Variants in RAVER2 observed in about 807,000 individuals in gnomAD.
RAVER2 encodes the protein ribonucleoprotein, PTB binding 2, also known as ribonucleoprotein PTB-binding 2.
RAVER2 carries 46 observed loss-of-function variants against 78.1 expected under a neutral mutation model. The ratio of observed to expected loss-of-function variants is 0.59; its 90% CI spans 0.46 to 0.75. The LOEUF is 0.75. Among genes scored for constraint, RAVER2 ranks in the 30% least tolerant of loss-of-function variants. RAVER2 has a pLI of 0.00. For missense variants in RAVER2, 793 were observed against 837.5 expected (o/e 0.95, Z 0.66); for synonymous variants, 311 against 313.3 (o/e 0.99, Z 0.08).
intron 11 of RAVER2, among the ~76,000 whole-genome samples, chr1:64,826,129 T>A (rs1280730786): frequency 1.3e-5 from 2 of 152,242 alleles, no homozygotes; most frequent in Non-Finnish European, 2.9e-5. Context: ...TGAAAGGTAT[T>A]CATTTACTCA....
intron 11 of RAVER2, among the ~76,000 whole-genome samples, chr1:64,821,955 C>T (rs1015915132): frequency 5.9e-5 from 9 of 152,224 alleles, no homozygotes; most frequent in Middle Eastern, 3.4e-3. Flanking sequence ...TACTAGACAA[C>T]GATTTGAATT....
Position 64,830,128 on chromosome 1 carries a change from T to C in RAVER2, c.1930-711T>C, listed in dbSNP as rs371721333. On this transcript the variant is annotated intron_variant, in intron 11 of 11. Transcript: ENST00000294428. ...ACATAATTCTGCATTGATAAAAGCT[T>C]GCTGCACTTATTTTTGTAAAAGCTG... Among the ~76,000 whole-genome samples, 317 of 152,338 alleles carry C rather than the reference T, an allele frequency of 2.1e-3. 11 individuals are homozygous for C. The South Asian group carries it at 0.064, about 31-fold the overall frequency.
At chr1:64,807,374 C>G (rs748813614) in exon 9 of RAVER2, 1 of 1,614,022 alleles carries the variant, frequency 6.2e-7, no homozygotes, top group South Asian at 1.1e-5. Flanking sequence ...GGGTCGCAGC[C>G]TTATCTTCAG....
At chr1:64,747,133 A>G (rs536841740) in intron 1 of RAVER2, among the ~76,000 whole-genome samples, 2 of 152,330 alleles carry the variant, frequency 1.3e-5, no homozygotes, top group East Asian at 1.9e-4. Context: ...AGCAGTTTTA[A>G]TTAGTGATAG....
At chr1:64,791,289 T>C (rs1226941122) in intron 5 of RAVER2, among the ~76,000 whole-genome samples, 2 of 152,202 alleles carry the variant, frequency 1.3e-5, no homozygotes, top group African/African-American at 4.8e-5. Context: ...TCAGTGTGAT[T>C]GATGGGCCCC....
chr1:64,824,932 C>CAAAAA (rs56179197), intron 11 of RAVER2, among the ~76,000 whole-genome samples: 1,159 of 79,346 alleles, frequency 0.015, 58 homozygotes, highest in African/African-American at 0.034. Flanking sequence ...CCCTGTCTCC[C>CAAAAA]AAAAAAAAAA....
At chr1:64,808,024 T>C (rs1249209456) in intron 9 of RAVER2, among the ~76,000 whole-genome samples, 2 of 152,166 alleles carry the variant, frequency 1.3e-5, no homozygotes, top group Non-Finnish European at 2.9e-5. Context: ...CTATCTTAAA[T>C]ATATATTTGG....
At chr1:64,812,382 AATAGGTAG>A (rs1464875581) in intron 9 of RAVER2, among the ~76,000 whole-genome samples, 1 of 151,162 alleles carries the variant, frequency 6.6e-6, no homozygotes, top group Non-Finnish European at 1.5e-5. Flanking sequence ...AAAAAAAAAA[AATAGGTAG>A]ATAGATAGAT....
chr1:64,805,557 TG>T (rs1653394568), intron 8 of RAVER2, among the ~76,000 whole-genome samples: 1 of 152,202 alleles, frequency 6.6e-6, no homozygotes, highest in Non-Finnish European at 1.5e-5. Context: ...AAAACTAATG[TG>T]TGTACTATGT....
At chr1:64,761,721 A>C (rs1245624755) in intron 1 of RAVER2, among the ~76,000 whole-genome samples, 1 of 152,202 alleles carries the variant, frequency 6.6e-6, no homozygotes, top group Non-Finnish European at 1.5e-5. Flanking sequence ...TAGATAAATA[A>C]AGTTTAAAGA....
chr1:64,745,206 G>C lies in RAVER2; in HGVS notation c.34G>C (p.Gly12Arg), dbSNP rs867489141. Reference sequence around the variant, plus strand: ...GGCGGCGGGAGACGGCGGCGGCGAGGGGGGCGCGGGCCTGGGCAGCGCGGC... The same window carrying C: ...GGCGGCGGGAGACGGCGGCGGCGAGCGGGGCGCGGGCCTGGGCAGCGCGGC... Residue 12 changes from glycine (G) to arginine (R), a missense_variant, in exon 1 of 12, where the codon GGG (glycine) becomes CGG (arginine). Physicochemically the swap from Gly to Arg is moderately radical, Grantham distance 125. Transcript: ENST00000294428. The surrounding 1 kb of genome is among the most constrained non-coding windows in gnomAD (Gnocchi z 4.3). The C allele has an allele frequency of 1.0e-3, 1,061 of 1,048,328 alleles. No homozygotes were observed. The highest frequency in any genetic ancestry group is 1.1e-3 in the Non-Finnish European group (975 of 872,218). 64.9% of individuals were successfully genotyped at this position (1,048,328 alleles called of 1,614,324 possible).
In RAVER2 at chr1:64,762,867, G is replaced by A. The variant is rs554881316; in HGVS notation, c.250-5789G>A. On this transcript the variant is annotated intron_variant, in intron 1 of 11. Coordinates refer to ENST00000294428, the Ensembl canonical transcript of RAVER2. ...ACAAAAGGCATTAACCAGAAAAGAA[G>A]ATATTATATGATAGATGGGACTTTG... Among the ~76,000 whole-genome samples, 11 of 152,272 alleles carry A rather than the reference G, an allele frequency of 7.2e-5. No individual in the cohort carries two copies. In the South Asian group the frequency reaches 2.3e-3, roughly 32 times the overall value.
Position 64,807,401 on chromosome 1 carries a change from C to T in RAVER2, c.1607C>T (p.Ala536Val), listed in dbSNP as rs1216135574. Residue 536 changes from alanine (A) to valine (V), a missense_variant, in exon 9 of 12, where the codon GCT becomes GTT. Physicochemically the swap from Ala to Val is moderately conservative, Grantham distance 64. Coordinates refer to ENST00000294428, the Ensembl canonical transcript of RAVER2. The stretch of plus-strand genomic sequence containing the variant: ...TATCTTCAGAGCTTTCCAAACCTTG[C>T]TGCTGGAAGCTTGCTGGTGGGACAC... 3 of 1,614,168 alleles carry T rather than the reference C, an allele frequency of 1.9e-6. 1 individual carries two copies. In the Admixed American group the frequency reaches 5.0e-5, roughly 27 times the overall value.
At chr1:64,768,233 T>G (rs551290592) in intron 1 of RAVER2, among the ~76,000 whole-genome samples, 2 of 152,110 alleles carry the variant, frequency 1.3e-5, no homozygotes, top group East Asian at 3.9e-4. Context: ...ATGACCATTG[T>G]TAGCATAAAG....
intron 1 of RAVER2, among the ~76,000 whole-genome samples, chr1:64,761,029 T>TA (rs1009085204): frequency 6.6e-6 from 1 of 152,256 alleles, no homozygotes; most frequent in African/African-American, 2.4e-5. Flanking sequence ...ATCTGGATGA[T>TA]AAAATCCAGC....
chr1:64,784,275 G>A (rs113534054), intron 4 of RAVER2, among the ~76,000 whole-genome samples: 3,334 of 152,234 alleles, frequency 0.022, 147 homozygotes, highest in African/African-American at 0.077. Flanking sequence ...TACTTGGGGG[G>A]CTGAGGTGGG....
intron 3 of RAVER2, among the ~76,000 whole-genome samples, chr1:64,780,559 T>C (rs2100837649): frequency 6.6e-6 from 1 of 152,318 alleles, no homozygotes; most frequent in East Asian, 1.9e-4. Flanking sequence ...ATAGAAGTAT[T>C]GGAAATGTGT....
At chr1:64,761,742 G>T (rs183821916) in intron 1 of RAVER2, among the ~76,000 whole-genome samples, 1 of 152,216 alleles carries the variant, frequency 6.6e-6, no homozygotes, top group Admixed American at 6.5e-5. Flanking sequence ...TATAAAAAAA[G>T]ATGTAAAACT....
intron 1 of RAVER2, among the ~76,000 whole-genome samples, chr1:64,751,967 A>G (rs1651710650): frequency 6.6e-6 from 1 of 152,200 alleles, no homozygotes; most frequent in African/African-American, 2.4e-5. Context: ...AGGAGATAGT[A>G]TGAACTGAGA....
Sources: gnomAD v4.1 joint callset for allele counts (sites outside exome capture counted in the v4.1 genomes callset) on GRCh38, gnomAD v4.1.1 for gene constraint, Gnocchi (gnomAD v3.1) non-coding constraint, MANE v1.5 for transcripts, NCBI Gene and HGNC (gene_info 2026-07-23, HGNC 2026-07-21) for gene names.